The following RPAP2 variants were observed in gnomAD, a reference collection of about 807,000 sequenced individuals.
RPAP2 encodes the protein RNA polymerase II associated protein 2.
In RPAP2, 52 loss-of-function variants were observed where a neutral mutation model predicts 73.1. That is an observed-to-expected ratio of 0.71 (90% CI 0.57 to 0.90). RPAP2 has a LOEUF of 0.90. RPAP2 is among the 40% of genes least tolerant of loss of function. The probability of loss-of-function intolerance (pLI) is 0.00; values close to 1 mark genes in which losing one functional copy is unlikely to be tolerated. For missense variants in RPAP2, 598 were observed against 701.8 expected, an observed-to-expected ratio of 0.85 and a Z score of 1.67; for synonymous variants, 225 against 242.1, an observed-to-expected ratio of 0.93 and a Z score of 0.65.
At chr1:92,360,065 A>T (rs1654660852) in intron 11 of RPAP2, among the ~76,000 whole-genome samples, 1 of 152,232 alleles carries the variant, frequency 6.6e-6, no homozygotes. Context: ...ACTTTGCCCA[A>T]GGTCAGAGCT....
intron 10 of RPAP2, among the ~76,000 whole-genome samples, chr1:92,336,956 G>A (rs1386955006): frequency 6.6e-6 from 1 of 152,114 alleles, no homozygotes; most frequent in African/African-American, 2.4e-5. Context: ...GAGTGAAACT[G>A]TTGTGATTTT....
intron 10 of RPAP2, among the ~76,000 whole-genome samples, chr1:92,342,002 T>C (rs1281432790): frequency 6.6e-6 from 1 of 152,226 alleles, no homozygotes; most frequent in African/African-American, 2.4e-5. Flanking sequence ...TTATTTGAGC[T>C]AGCTCCTTTG....
rs960570689 is a variant in RPAP2, at chr1:92,396,273, A to G, written c.*9262A>G. 14 of 151,946 alleles carry G rather than the reference A, an allele frequency of 9.2e-5. No individual in the cohort carries two copies. Among genetic ancestry groups the G allele is most frequent in the African/African-American group, 3.4e-4 (14 of 41,368 alleles). The allele number at this position is 151,946 out of a possible 1,614,324, so 9.4% of individuals were successfully genotyped here. A position where few individuals can be genotyped will look rare whatever the true frequency, so the allele number is the denominator to read the frequency against. ...GAAGTCAAACTCCTGGGCTCAAACA[A>G]TCCTCCTGCCTCAGCCTCCTCAGTA... is the stretch of plus-strand genomic sequence containing the variant. On this transcript the variant is annotated 3_prime_UTR_variant, in exon 13 of 13. Transcript: ENST00000610020.
chr1:92,309,211 AG>A (rs976630362), intron 6 of RPAP2, among the ~76,000 whole-genome samples: 1 of 152,080 alleles, frequency 6.6e-6, no homozygotes. Context: ...TGGGAGGCCG[AG>A]GGGGGCAGAT....
intron 11 of RPAP2, among the ~76,000 whole-genome samples, chr1:92,374,481 A>G (rs1189704663): frequency 6.6e-6 from 1 of 152,146 alleles, no homozygotes; most frequent in Non-Finnish European, 1.5e-5. Flanking sequence ...TCTGAATAGA[A>G]CCTTATCTCC....
chr1:92,312,275 G>A (rs1228747135), intron 6 of RPAP2, among the ~76,000 whole-genome samples: 3 of 151,936 alleles, frequency 2.0e-5, no homozygotes, highest in African/African-American at 7.3e-5. Flanking sequence ...AAATTAGCTG[G>A]GTGTGGTGGC....
chr1:92,373,929 T>C (rs1655280917), intron 11 of RPAP2, among the ~76,000 whole-genome samples: 2 of 151,288 alleles, frequency 1.3e-5, no homozygotes, highest in African/African-American at 2.4e-5. Context: ...CAAAAAAAAA[T>C]AATTAAAGCT....
At chr1:92,333,924 C>G (rs1354462705) in intron 9 of RPAP2, among the ~76,000 whole-genome samples, 4 of 152,162 alleles carry the variant, frequency 2.6e-5, no homozygotes, top group Admixed American at 6.5e-5. Flanking sequence ...AGTTTTTGTT[C>G]AACTCAACGT....
chr1:92,319,998 CAAAAAAA>C (rs565464720), intron 6 of RPAP2, among the ~76,000 whole-genome samples: 1 of 90,318 alleles, frequency 1.1e-5, no homozygotes, highest in Non-Finnish European at 2.3e-5. Context: ...AACTCCATCT[CAAAAAAA>C]AAAAAAAGAA....
Position 92,387,184 on chromosome 1 carries a change from T to C in RPAP2, c.*173T>C, listed in dbSNP as rs547542551. ...TCCTTCAGTCCCCAACTGCAGAGGA[T>C]GACCTCCCCAGATAGAGGAGAATCA... On this transcript the variant is annotated 3_prime_UTR_variant, in exon 13 of 13. Coordinates refer to ENST00000610020, the MANE Select transcript of RPAP2 (RefSeq NM_024813.3). 2.0e-6 allele frequency: 1 copy of C among 494,180 alleles called. No individual in the cohort carries two copies. The highest frequency in any genetic ancestry group is 1.9e-5 in the African/African-American group (1 of 51,640). The allele number at this position is 494,180 out of a possible 1,614,324, so 30.6% of individuals were successfully genotyped here. A position where few individuals can be genotyped will look rare whatever the true frequency, so the allele number is the denominator to read the frequency against.
chr1:92,353,963 CT>C (rs959796655), intron 11 of RPAP2, among the ~76,000 whole-genome samples: 1 of 152,096 alleles, frequency 6.6e-6, no homozygotes, highest in Non-Finnish European at 1.5e-5. Flanking sequence ...TAATGCTACT[CT>C]TTTTTTTATT....
Position 92,394,116 on chromosome 1 carries a change from C to G in RPAP2, c.*7105C>G, listed in dbSNP as rs1383760973. On this transcript the variant is annotated 3_prime_UTR_variant, in exon 13 of 13. Coordinates refer to ENST00000610020, the MANE Select transcript of RPAP2 (RefSeq NM_024813.3). ...GATAGACTGGATTAAGAAAATGTGG[C>G]ACATGTATACCATGGAATACTATGC... 6.6e-6 allele frequency: 1 copy of G among 152,150 alleles called. No individual in the cohort carries two copies. Among genetic ancestry groups the G allele is most frequent in the Non-Finnish European group, 1.5e-5 (1 of 68,036 alleles). 9.4% of individuals were successfully genotyped at this position (152,150 alleles called of 1,614,324 possible). A position where few individuals can be genotyped will look rare whatever the true frequency, so the allele number is the denominator to read the frequency against.
chr1:92,354,627 T>C (rs1380166943), intron 11 of RPAP2, among the ~76,000 whole-genome samples: 1 of 152,128 alleles, frequency 6.6e-6, no homozygotes, highest in Non-Finnish European at 1.5e-5. Context: ...ACATAAACCA[T>C]CTGTTATAAG....
chr1:92,338,187 G>A (rs941632510), intron 10 of RPAP2, among the ~76,000 whole-genome samples: 2 of 152,012 alleles, frequency 1.3e-5, no homozygotes, highest in Admixed American at 6.6e-5. Flanking sequence ...GAAAGTGAAT[G>A]TTTAGGTAAT....
chr1:92,316,791 A>G (rs1339643790), intron 6 of RPAP2, among the ~76,000 whole-genome samples: 3 of 152,204 alleles, frequency 2.0e-5, no homozygotes, highest in African/African-American at 7.2e-5. Flanking sequence ...AGAAAGAGCA[A>G]TGTAACTTGG....
chr1:92,327,631 G>A (rs966129592), intron 8 of RPAP2, among the ~76,000 whole-genome samples: 19 of 152,012 alleles, frequency 1.2e-4, no homozygotes, highest in African/African-American at 4.6e-4. Context: ...TTTTTAAGTG[G>A]AGCATTTAGG....
At chr1:92,317,599 A>C (rs1180609076) in intron 6 of RPAP2, among the ~76,000 whole-genome samples, 1 of 152,188 alleles carries the variant, frequency 6.6e-6, no homozygotes, top group African/African-American at 2.4e-5. Flanking sequence ...GGGAAGATGA[A>C]AAAGTGCTGG....
At position 92,396,796 on chromosome 1, in the gene RPAP2, A is replaced by C. The variant is rs1338379641; in HGVS notation, c.*9785A>C. 6.6e-6 allele frequency: 1 copy of C among 152,108 alleles called. No homozygotes were observed. The allele number at this position is 152,108 out of a possible 1,614,324, so 9.4% of individuals were successfully genotyped here. A position where few individuals can be genotyped will look rare whatever the true frequency, so the allele number is the denominator to read the frequency against. ...GCTGGGATTACAGGCATGTGCCACC[A>C]TGCCCGGCTAATTTTGTATTTTTAG... is the stretch of plus-strand genomic sequence containing the variant. On this transcript the variant is annotated 3_prime_UTR_variant, in exon 13 of 13. Coordinates refer to ENST00000610020, the MANE Select transcript of RPAP2 (RefSeq NM_024813.3).
chr1:92,302,590 A>ATTTTTTTTTT lies in RPAP2; in HGVS notation c.234+1020_234+1029dup, dbSNP rs36067595. Among the ~76,000 whole-genome samples, 159 of 74,340 alleles carry ATTTTTTTTTT rather than the reference A, an allele frequency of 2.1e-3. 14 individuals are homozygous for ATTTTTTTTTT. The highest frequency in any genetic ancestry group is 2.8e-3 in the Non-Finnish European group (123 of 43,254). 48.8% of individuals were successfully genotyped at this position (74,340 alleles called of 152,430 possible). A position where few individuals can be genotyped will look rare whatever the true frequency, so the allele number is the denominator to read the frequency against. On this transcript the variant is annotated intron_variant, in intron 3 of 12. Transcript: ENST00000610020. ...ACGGGAGAATTAAATTCCGCATTAA[A>ATTTTTTTTTT]TTTTTTTTTTTTTTTTTTTTTTTTT...
Sources: allele counts gnomAD v4.1 joint callset (sites outside exome capture counted in the v4.1 genomes callset), GRCh38; gene constraint gnomAD v4.1.1; transcripts MANE v1.5; gene names NCBI Gene and HGNC (gene_info 2026-07-23, HGNC 2026-07-21).